Variants in DACH1 observed in about 807,000 individuals in gnomAD.
DACH1 encodes dachshund homolog 1.
A neutral mutation model predicts 54.2 loss-of-function variants in DACH1; 12 were observed. The observed-to-expected ratio is 0.22, with a 90% confidence interval of 0.14 to 0.36. The LOEUF (loss-of-function observed/expected upper bound fraction) is 0.36. Among genes scored for constraint, DACH1 ranks in the 10% least tolerant of loss-of-function variants. The pLI, the probability that DACH1 is intolerant of heterozygous loss-of-function variation, is 1.00. For missense variants in DACH1, 805 were observed against 929.8 expected (o/e 0.87, Z 1.75); for synonymous variants, 386 against 366.2 (o/e 1.05, Z -0.62).
chr13:71,598,968 T>TTA (rs1874304647), intron 3 of DACH1, among the ~76,000 whole-genome samples: 1 of 152,146 alleles, frequency 6.6e-6, no homozygotes, highest in Non-Finnish European at 1.5e-5. Flanking sequence ...AGCTCTAACT[T>TTA]TTTTAAAGTG....
chr13:71,791,566 T>C (rs1228963816), intron 1 of DACH1, among the ~76,000 whole-genome samples: 2 of 152,108 alleles, frequency 1.3e-5, no homozygotes, highest in Non-Finnish European at 1.5e-5. Context: ...GTATTTTTAG[T>C]AGACATGGGG....
chr13:71,629,539 T>C (rs1004082457), intron 3 of DACH1, among the ~76,000 whole-genome samples: 1 of 152,200 alleles, frequency 6.6e-6, no homozygotes, highest in Non-Finnish European at 1.5e-5. Flanking sequence ...CAGACAGCTC[T>C]TGTGAAAATG....
intron 1 of DACH1, among the ~76,000 whole-genome samples, chr13:71,758,494 A>C (rs1200906618): frequency 6.6e-6 from 1 of 152,226 alleles, no homozygotes; most frequent in Non-Finnish European, 1.5e-5. Flanking sequence ...AAGTGATGAC[A>C]GATTGCTAAG....
chr13:71,452,959 T>G (rs74098906), intron 10 of DACH1, among the ~76,000 whole-genome samples: 205 of 152,360 alleles, frequency 1.3e-3, no homozygotes, highest in African/African-American at 4.8e-3. Flanking sequence ...ATGCCCTCTT[T>G]AAAGTTTTGC....
chr13:71,694,475 C>A (rs958002062), intron 1 of DACH1, among the ~76,000 whole-genome samples: 1 of 152,196 alleles, frequency 6.6e-6, no homozygotes, highest in Non-Finnish European at 1.5e-5. Flanking sequence ...ACCTATGCAC[C>A]AAACATTGCT....
intron 2 of DACH1, among the ~76,000 whole-genome samples, chr13:71,674,176 T>C (rs1880400873): frequency 6.6e-6 from 1 of 152,178 alleles, no homozygotes; most frequent in Non-Finnish European, 1.5e-5. Context: ...GGCCAAAATC[T>C]TCTGTGTGCA....
At chr13:71,809,501 A>T (rs1887630211) in intron 1 of DACH1, among the ~76,000 whole-genome samples, 1 of 152,304 alleles carries the variant, frequency 6.6e-6, no homozygotes, top group Non-Finnish European at 1.5e-5. Context: ...TAAGATGTGC[A>T]CTTTTGAAAT....
In DACH1 at chr13:71,821,935, C is replaced by A. The variant is rs59671010; in HGVS notation, c.848+43987G>T. On this transcript the variant is annotated intron_variant, in intron 1 of 10. Transcript: ENST00000613252. Reference sequence around the variant, plus strand: ...AATTATCTGGGCGTGGCGGTGTGTGCCTGTAGTCCCAGCTACTCGGGAGGC... The same window carrying A: ...AATTATCTGGGCGTGGCGGTGTGTGACTGTAGTCCCAGCTACTCGGGAGGC... 5.9e-3 allele frequency among the ~76,000 whole-genome samples: 894 copies of A among 152,102 alleles called. 7 individuals are homozygous for A. The highest frequency in any genetic ancestry group is 0.02 in the African/African-American group (850 of 41,474).
intron 4 of DACH1, among the ~76,000 whole-genome samples, chr13:71,561,971 A>G (rs576263952): frequency 5.0e-4 from 76 of 152,220 alleles, no homozygotes; most frequent in Non-Finnish European, 9.6e-4. Flanking sequence ...TAAAAAAAAA[A>G]AGCGCTATAA....
chr13:71,485,905 A>C (rs188822124), intron 7 of DACH1, among the ~76,000 whole-genome samples: 2 of 151,638 alleles, frequency 1.3e-5, no homozygotes, highest in Non-Finnish European at 2.9e-5. Context: ...ATAACACTTA[A>C]ATGCAGGAAT....
intron 1 of DACH1, among the ~76,000 whole-genome samples, chr13:71,692,751 G>T (rs1379181025): frequency 6.6e-6 from 1 of 151,798 alleles, no homozygotes; most frequent in African/African-American, 2.4e-5. Context: ...TCGAACTCCT[G>T]ACCTCTTGAT....
chr13:71,574,033 T>A (rs1266131765), intron 3 of DACH1, among the ~76,000 whole-genome samples: 1 of 152,140 alleles, frequency 6.6e-6, no homozygotes, highest in African/African-American at 2.4e-5. Context: ...GGTTAGACAT[T>A]GTACAGAGAA....
intron 1 of DACH1, among the ~76,000 whole-genome samples, chr13:71,852,413 A>T (rs1873731495): frequency 6.6e-6 from 1 of 151,974 alleles, no homozygotes; most frequent in Admixed American, 6.6e-5. Flanking sequence ...AGTGTTCTCC[A>T]ACTACAAGAA....
intron 1 of DACH1, among the ~76,000 whole-genome samples, chr13:71,695,951 CT>C (rs1232847027): frequency 6.6e-6 from 1 of 152,090 alleles, no homozygotes; most frequent in African/African-American, 2.4e-5. Flanking sequence ...GACACTCATA[CT>C]TAGGAAGTGA....
At chr13:71,861,960 T>G (rs1478590091) in intron 1 of DACH1, among the ~76,000 whole-genome samples, 1 of 151,416 alleles carries the variant, frequency 6.6e-6, no homozygotes, top group African/African-American at 2.4e-5. Context: ...GTTTTGTACT[T>G]CTTACACTAC....
At chr13:71,501,989 A>G (rs1250458284) in intron 6 of DACH1, among the ~76,000 whole-genome samples, 1 of 152,186 alleles carries the variant, frequency 6.6e-6, no homozygotes, top group African/African-American at 2.4e-5. Context: ...TTTGAGCCCA[A>G]ATAACCTTAT....
At chr13:71,854,743 G>A (rs549496604) in intron 1 of DACH1, among the ~76,000 whole-genome samples, 2 of 152,022 alleles carry the variant, frequency 1.3e-5, no homozygotes, top group South Asian at 4.1e-4. Flanking sequence ...AGAGAGTGGA[G>A]TGCAATAGCC....
At chr13:71,480,808 C>T (rs1253449943) in intron 7 of DACH1, among the ~76,000 whole-genome samples, 3 of 152,164 alleles carry the variant, frequency 2.0e-5, no homozygotes, top group Non-Finnish European at 4.4e-5. Flanking sequence ...TAGTTTATAG[C>T]ATTGCTGTAA....
intron 1 of DACH1, among the ~76,000 whole-genome samples, chr13:71,793,335 T>A (rs1886910000): frequency 2.6e-5 from 4 of 152,116 alleles, no homozygotes; most frequent in Admixed American, 2.6e-4. Flanking sequence ...CTCAAGAAAA[T>A]AGAAGTGGTA....
Sources: allele counts gnomAD v4.1 joint callset (sites outside exome capture counted in the v4.1 genomes callset), GRCh38; gene constraint gnomAD v4.1.1; transcripts MANE v1.5; gene names NCBI Gene and HGNC (gene_info 2026-07-23, HGNC 2026-07-21).